Variants in LDLRAD4 observed in about 807,000 individuals in gnomAD.
LDLRAD4 encodes the protein low-density lipoprotein receptor class A domain-containing protein 4.
LDLRAD4 carries 5 observed loss-of-function variants against 17.0 expected under a neutral mutation model. The ratio of observed to expected loss-of-function variants is 0.29; its 90% CI spans 0.15 to 0.62. The LOEUF (loss-of-function observed/expected upper bound fraction) is 0.62, where lower values mean the gene tolerates loss of function less well. Ranked by LOEUF, LDLRAD4 falls within the 20% of genes least tolerant of loss-of-function variation. LDLRAD4 has a pLI of 0.84. For missense variants in LDLRAD4, 340 were observed against 424.7 expected (o/e 0.80, Z 1.75); for synonymous variants, 168 against 171.8 (o/e 0.98, Z 0.17).
chr18:13,469,616 A>G (rs2092714384), intron 3 of LDLRAD4, among the ~76,000 whole-genome samples: 1 of 152,270 alleles, frequency 6.6e-6, no homozygotes, highest in African/African-American at 2.4e-5. Context: ...GCCAGTGACT[A>G]AAATATAAGA....
intron 2 of LDLRAD4, among the ~76,000 whole-genome samples, chr18:13,388,289 G>A (rs1222494289): frequency 6.6e-6 from 1 of 152,218 alleles, no homozygotes; most frequent in African/African-American, 2.4e-5. Context: ...CTGGCAGTTT[G>A]TAGGGAACCA....
intron 4 of LDLRAD4, among the ~76,000 whole-genome samples, chr18:13,632,321 G>C (rs536680049): frequency 6.6e-6 from 1 of 152,342 alleles, no homozygotes; most frequent in South Asian, 2.1e-4. Flanking sequence ...CCAAGGGCAA[G>C]CCAGGCACAG....
At chr18:13,403,708 C>T (rs754586221) in intron 2 of LDLRAD4, among the ~76,000 whole-genome samples, 12 of 152,310 alleles carry the variant, frequency 7.9e-5, no homozygotes, top group Non-Finnish European at 1.2e-4. Flanking sequence ...TGTTTTACTG[C>T]CTTGTAAAAT....
At chr18:13,536,652 A>G (rs188005567) in intron 3 of LDLRAD4, among the ~76,000 whole-genome samples, 6 of 152,108 alleles carry the variant, frequency 3.9e-5, no homozygotes, top group Non-Finnish European at 7.4e-5. Context: ...CCTTCAGTAC[A>G]AACTTGAATA....
chr18:13,460,816 C>T (rs2092390083), intron 3 of LDLRAD4, among the ~76,000 whole-genome samples: 1 of 152,060 alleles, frequency 6.6e-6, no homozygotes, highest in Admixed American at 6.5e-5. Flanking sequence ...CTAAGATAAA[C>T]ACAAAATTAT....
intron 3 of LDLRAD4, among the ~76,000 whole-genome samples, chr18:13,514,159 C>T (rs866369658): frequency 1.3e-5 from 2 of 152,264 alleles, no homozygotes; most frequent in South Asian, 4.2e-4. Flanking sequence ...AATAGGGGCC[C>T]ACCCATTTTC....
At chr18:13,433,078 A>AAATT (rs2090445998) in intron 2 of LDLRAD4, among the ~76,000 whole-genome samples, 1 of 152,150 alleles carries the variant, frequency 6.6e-6, no homozygotes, top group Non-Finnish European at 1.5e-5. Flanking sequence ...GTGAGTATAT[A>AAATT]AATTAATAAA....
At chr18:13,638,670 G>T (rs2042277777) in intron 4 of LDLRAD4, among the ~76,000 whole-genome samples, 1 of 152,206 alleles carries the variant, frequency 6.6e-6, no homozygotes. Flanking sequence ...GGTCAAACAT[G>T]AGTGATTTGA....
intron 3 of LDLRAD4, among the ~76,000 whole-genome samples, chr18:13,574,411 G>A (rs2094737931): frequency 1.3e-5 from 2 of 152,138 alleles, no homozygotes; most frequent in Admixed American, 1.3e-4. Flanking sequence ...CCTGTCATGT[G>A]GTAGTTCATC....
chr18:13,263,278 G>A (rs995501773), intron 1 of LDLRAD4, among the ~76,000 whole-genome samples: 1 of 151,510 alleles, frequency 6.6e-6, no homozygotes, highest in African/African-American at 2.4e-5. Flanking sequence ...ATGCGGCTCT[G>A]TGTGTGGGGG....
chr18:13,572,249 G>T (rs2094703088), intron 3 of LDLRAD4, among the ~76,000 whole-genome samples: 1 of 152,198 alleles, frequency 6.6e-6, no homozygotes, highest in African/African-American at 2.4e-5. Flanking sequence ...AGTTTATAGT[G>T]CTTTCGTTGA....
intron 3 of LDLRAD4, among the ~76,000 whole-genome samples, chr18:13,573,370 G>T (rs2094720059): frequency 1.3e-5 from 2 of 151,306 alleles, no homozygotes; most frequent in South Asian, 4.2e-4. Context: ...CTCCCAAAGT[G>T]CTGGGATTAC....
At chr18:13,466,607 A>C (rs2092625873) in intron 3 of LDLRAD4, among the ~76,000 whole-genome samples, 1 of 152,238 alleles carries the variant, frequency 6.6e-6, no homozygotes, top group Non-Finnish European at 1.5e-5. Flanking sequence ...TTATAAAAAC[A>C]CACAAAAACC....
At chr18:13,545,635 G>A (rs535278394) in intron 3 of LDLRAD4, among the ~76,000 whole-genome samples, 1 of 152,304 alleles carries the variant, frequency 6.6e-6, no homozygotes, top group East Asian at 1.9e-4. Context: ...GCCATGAGCA[G>A]TGCGGTTTCT....
intron 3 of LDLRAD4, among the ~76,000 whole-genome samples, chr18:13,523,989 A>G (rs1309438421): frequency 2.6e-5 from 4 of 152,158 alleles, no homozygotes; most frequent in African/African-American, 4.8e-5. Flanking sequence ...CTTGGCCTGG[A>G]CACAGGAGGG....
At chr18:13,337,138 AATCCATCTCTGAG>A (rs1368286638) in intron 1 of LDLRAD4, among the ~76,000 whole-genome samples, 1 of 152,198 alleles carries the variant, frequency 6.6e-6, no homozygotes, top group Non-Finnish European at 1.5e-5. Flanking sequence ...CTACAAATGT[AATCCATCTCTGAG>A]ATTTTTTAAA....
At position 13,622,077 on chromosome 18, in the gene LDLRAD4, C is replaced by T. The variant is rs1433454038; in HGVS notation, c.336+806C>T. 6.6e-6 allele frequency among the ~76,000 whole-genome samples: 1 copy of T among 152,142 alleles called. No homozygotes were observed. Among genetic ancestry groups the T allele is most frequent in the Non-Finnish European group, 1.5e-5 (1 of 68,020 alleles). On this transcript the variant is annotated intron_variant, in intron 4 of 5. Coordinates refer to ENST00000359446, the Ensembl canonical transcript of LDLRAD4. The surrounding 1 kb of genome is among the most constrained non-coding windows in gnomAD (Gnocchi z 5.3). ...AGGCCGAGTCTCCACAGTGTGGAGC[C>T]CTGCGGTATGCTGAGCACAGGAGCC...
At chr18:13,325,922 G>A (rs1331506914) in intron 1 of LDLRAD4, among the ~76,000 whole-genome samples, 2 of 151,974 alleles carry the variant, frequency 1.3e-5, no homozygotes, top group African/African-American at 4.8e-5. Context: ...CTGCCACCAC[G>A]CGGAGCTAAT....
At chr18:13,536,530 T>G (rs767406567) in intron 3 of LDLRAD4, among the ~76,000 whole-genome samples, 41 of 152,178 alleles carry the variant, frequency 2.7e-4, no homozygotes, top group Non-Finnish European at 5.0e-4. Flanking sequence ...TCTCTAGACT[T>G]TTCTTGGCAT....
Sources: gnomAD v4.1 joint callset for allele counts (sites outside exome capture counted in the v4.1 genomes callset) on GRCh38, gnomAD v4.1.1 for gene constraint, Gnocchi (gnomAD v3.1) non-coding constraint, MANE v1.5 for transcripts, NCBI Gene and HGNC (gene_info 2026-07-23, HGNC 2026-07-21) for gene names.